The following SAXO1 variants were observed in gnomAD, a reference collection of about 807,000 sequenced individuals.
The protein encoded by SAXO1 is 4930500O09Rik.
A neutral mutation model predicts 17.5 loss-of-function variants in SAXO1; 21 were observed. The ratio of observed to expected loss-of-function variants is 1.20; its 90% CI spans 0.85 to 1.72. SAXO1 has a LOEUF of 1.72. SAXO1 is among the 40% of genes most tolerant of loss of function. The probability of loss-of-function intolerance (pLI) is 0.00; values close to 1 mark genes in which losing one functional copy is unlikely to be tolerated. For synonymous variants in SAXO1, 274 were observed against 216.5 expected, an observed-to-expected ratio of 1.27 and a Z score of -2.33; for missense variants, 843 against 596.0, an observed-to-expected ratio of 1.41 and a Z score of -4.32.
chr9:19,004,989 G>C (rs533386511), intron 1 of SAXO1, among the ~76,000 whole-genome samples: 2 of 152,116 alleles, frequency 1.3e-5, no homozygotes, highest in African/African-American at 2.4e-5. Context: ...TTGAATTTCT[G>C]CACACTAACA....
intron 1 of SAXO1, among the ~76,000 whole-genome samples, chr9:18,991,307 G>A (rs1334174149): frequency 1.3e-5 from 2 of 152,026 alleles, no homozygotes; most frequent in Non-Finnish European, 2.9e-5. Context: ...CAAAAACTGG[G>A]AACCAACCCA....
intron 1 of SAXO1, among the ~76,000 whole-genome samples, chr9:18,961,903 G>A (rs1258521262): frequency 6.6e-6 from 1 of 152,124 alleles, no homozygotes. Context: ...AGATCCTTGA[G>A]GAATTGCCAC....
intron 3 of SAXO1, among the ~76,000 whole-genome samples, chr9:18,940,100 T>A (rs1403606508): frequency 1.3e-5 from 2 of 151,972 alleles, no homozygotes; most frequent in Non-Finnish European, 2.9e-5. Context: ...AAGTAGAGAC[T>A]CCATGGGGAG....
chr9:19,023,248 C>T (rs1835324286), intron 1 of SAXO1, among the ~76,000 whole-genome samples: 1 of 150,840 alleles, frequency 6.6e-6, no homozygotes, highest in African/African-American at 2.4e-5. Context: ...GCGAGCTCCA[C>T]AGAGCTGCTG....
chr9:18,944,797 C>T (rs1338731800), intron 2 of SAXO1, among the ~76,000 whole-genome samples: 2 of 152,134 alleles, frequency 1.3e-5, no homozygotes, highest in Admixed American at 6.5e-5. Context: ...GGGTCCTGAG[C>T]CTGGCAGTGG....
At chr9:19,025,373 T>A (rs1278750753) in intron 1 of SAXO1, among the ~76,000 whole-genome samples, 2 of 152,194 alleles carry the variant, frequency 1.3e-5, no homozygotes, top group Non-Finnish European at 2.9e-5. Flanking sequence ...CAATTTTTTT[T>A]CCTTCCTCTT....
Position 18,941,166 on chromosome 9 carries a change from T to G in SAXO1, c.421+471A>C, listed in dbSNP as rs73427251. Among the ~76,000 whole-genome samples, 1,298 of 152,304 alleles carry G rather than the reference T, an allele frequency of 8.5e-3. 19 individuals carry two copies. Among genetic ancestry groups the G allele is most frequent in the African/African-American group, 0.03 (1,240 of 41,558 alleles). The stretch of plus-strand genomic sequence containing the variant: ...GGTAGAAACTAACTTAGCCTGAACT[T>G]GAAATGCTTCCCCCAATATAGGATT... On this transcript the variant is annotated intron_variant, in intron 3 of 3. Coordinates refer to ENST00000380534, the MANE Select transcript of SAXO1 (RefSeq NM_153707.4).
chr9:18,954,079 A>T (rs1188355491), intron 1 of SAXO1, among the ~76,000 whole-genome samples: 1 of 152,158 alleles, frequency 6.6e-6, no homozygotes, highest in Non-Finnish European at 1.5e-5. Flanking sequence ...ATCCACAGAC[A>T]TACCCAGATG....
rs1226320000 is a variant in SAXO1, at chr9:18,928,909, G to A, written c.568C>T (p.Pro190Ser). Reference sequence around the variant, plus strand: ...TTACAGAGCTTTGGCATGGCCAGAGGTTTACAGCTTATGGTCTTCACAAGG... The same window carrying A: ...TTACAGAGCTTTGGCATGGCCAGAGATTTACAGCTTATGGTCTTCACAAGG... ...KGLVKTISCK[P>S]LAMPKLCNIP... The change falls in exon 4 of 4, where the codon CCT (proline) becomes TCT (serine). Residue 190 changes from proline (P) to serine (S), a missense_variant. By Grantham distance (74) the Pro-to-Ser change is moderately conservative. Transcript: ENST00000380534. 3 of 1,614,042 alleles carry A rather than the reference G, an allele frequency of 1.9e-6. No homozygotes were observed. The highest frequency in any genetic ancestry group is 2.2e-5 in the East Asian group (1 of 44,880).
intron 1 of SAXO1, among the ~76,000 whole-genome samples, chr9:18,993,757 G>C (rs573056124): frequency 6.6e-6 from 1 of 152,106 alleles, no homozygotes; most frequent in Non-Finnish European, 1.5e-5. Flanking sequence ...AGGCTGGGGG[G>C]TTCTCATGTA....
chr9:19,022,544 C>G (rs1356271983), intron 1 of SAXO1, among the ~76,000 whole-genome samples: 2 of 152,102 alleles, frequency 1.3e-5, no homozygotes, highest in Non-Finnish European at 1.5e-5. Context: ...TTGCAGAAGA[C>G]TTGAAATGCA....
At chr9:18,943,314 G>C (rs1463828737) in intron 2 of SAXO1, among the ~76,000 whole-genome samples, 1 of 152,176 alleles carries the variant, frequency 6.6e-6, no homozygotes, top group Admixed American at 6.5e-5. Flanking sequence ...TCCCTTCCTA[G>C]GGGCCCTGCT....
intron 3 of SAXO1, among the ~76,000 whole-genome samples, chr9:18,936,994 C>CCCACTGAA (rs1831323869): frequency 6.6e-6 from 1 of 152,156 alleles, no homozygotes; most frequent in Non-Finnish European, 1.5e-5. Flanking sequence ...CTAGATGGCA[C>CCCACTGAA]CCACTGAAAC....
intron 1 of SAXO1, among the ~76,000 whole-genome samples, chr9:19,025,161 TAA>T (rs1835420002): frequency 6.6e-6 from 1 of 152,184 alleles, no homozygotes; most frequent in African/African-American, 2.4e-5. Flanking sequence ...AAATCTACAA[TAA>T]AAATTCAATC....
intron 3 of SAXO1, among the ~76,000 whole-genome samples, chr9:18,937,821 C>T (rs549349048): frequency 5.3e-5 from 8 of 152,112 alleles, no homozygotes; most frequent in African/African-American, 7.2e-5. Context: ...TTCAGAACTG[C>T]GAGAAATAAA....
At chr9:18,932,622 TG>T (rs1365030517) in intron 3 of SAXO1, among the ~76,000 whole-genome samples, 1 of 152,228 alleles carries the variant, frequency 6.6e-6, no homozygotes, top group Non-Finnish European at 1.5e-5. Context: ...CAGATCAATT[TG>T]GGACAACTTT....
chr9:18,975,682 T>A (rs1047889218), intron 1 of SAXO1, among the ~76,000 whole-genome samples: 1 of 152,208 alleles, frequency 6.6e-6, no homozygotes, highest in Non-Finnish European at 1.5e-5. Flanking sequence ...TACAAATTCA[T>A]ACACTATGTA....
At chr9:19,045,369 T>C (rs1836187522) in intron 1 of SAXO1, among the ~76,000 whole-genome samples, 1 of 136,084 alleles carries the variant, frequency 7.3e-6, no homozygotes, top group African/African-American at 2.6e-5. Flanking sequence ...GACTTACAGA[T>C]CCCCTCACAA....
intron 1 of SAXO1, among the ~76,000 whole-genome samples, chr9:19,014,978 C>A (rs373428528): frequency 1.3e-5 from 2 of 152,054 alleles, no homozygotes; most frequent in Non-Finnish European, 2.9e-5. Context: ...GGAGAGTAAA[C>A]GATCCTTTCC....
Sources: allele counts gnomAD v4.1 joint callset (sites outside exome capture counted in the v4.1 genomes callset), GRCh38; gene constraint gnomAD v4.1.1; transcripts MANE v1.5; gene names NCBI Gene and HGNC (gene_info 2026-07-23, HGNC 2026-07-21).